The following ABTB3 variants were observed in gnomAD, a reference collection of about 807,000 sequenced individuals.
ABTB3 encodes ankyrin repeat- and BTB/POZ domain-containing protein 3.
At chr12:107,580,795 G>A in the ABTB3 span, 7 of 1,499,544 alleles carry the variant, frequency 4.7e-6, no homozygotes, top group Non-Finnish European at 5.4e-6. Context: ...CAGACCCTGC[G>A]CTTGGTGCTT....
chr12:107,642,027 T>A, the ABTB3 span: 20 of 1,492,624 alleles, frequency 1.3e-5, no homozygotes, highest in Admixed American at 1.3e-4. Context: ...GAGAGCAGAG[T>A]TTTTTGTGAG....
chr12:107,353,238 G>C, the ABTB3 span, among the ~76,000 whole-genome samples: 7 of 152,258 alleles, frequency 4.6e-5, no homozygotes, highest in African/African-American at 1.2e-4. Context: ...CTAAGTGCCT[G>C]GCTCTGAGCC....
At chr12:107,413,299 A>G in the ABTB3 span, among the ~76,000 whole-genome samples, 1 of 152,050 alleles carries the variant, frequency 6.6e-6, no homozygotes. Flanking sequence ...AAGCGCATTG[A>G]AATTTGGGAA....
At chr12:107,322,887 A>C in the ABTB3 span, among the ~76,000 whole-genome samples, 1 of 152,230 alleles carries the variant, frequency 6.6e-6, no homozygotes, top group Admixed American at 6.5e-5. Flanking sequence ...TTACCCACAC[A>C]GGTGAACAGA....
the ABTB3 span, among the ~76,000 whole-genome samples, chr12:107,446,634 G>A: frequency 6.6e-6 from 1 of 152,202 alleles, no homozygotes; most frequent in Non-Finnish European, 1.5e-5. Flanking sequence ...CAGAGCTTCA[G>A]CCCAGGGTCT....
the ABTB3 span, among the ~76,000 whole-genome samples, chr12:107,379,150 G>T: frequency 6.6e-6 from 1 of 152,132 alleles, no homozygotes; most frequent in Non-Finnish European, 1.5e-5. Flanking sequence ...TAGGGTTGGT[G>T]GAAAAGTAGG....
At chr12:107,507,051 G>A in the ABTB3 span, among the ~76,000 whole-genome samples, 1 of 152,312 alleles carries the variant, frequency 6.6e-6, no homozygotes, top group South Asian at 2.1e-4. Flanking sequence ...TAAAATGAAT[G>A]TTCAAGATGG....
chr12:107,652,479 G>A, the ABTB3 span, among the ~76,000 whole-genome samples: 4 of 152,188 alleles, frequency 2.6e-5, no homozygotes, highest in African/African-American at 9.7e-5. Flanking sequence ...CTTCCCAGGT[G>A]ATTCTCAGAT....
the ABTB3 span, among the ~76,000 whole-genome samples, chr12:107,405,026 T>G: frequency 2.0e-5 from 3 of 152,168 alleles, no homozygotes; most frequent in Non-Finnish European, 4.4e-5. Context: ...CAAACCCAGG[T>G]TGGTGCAGAT....
the ABTB3 span, among the ~76,000 whole-genome samples, chr12:107,495,266 T>C: frequency 2.0e-5 from 3 of 152,176 alleles, no homozygotes; most frequent in African/African-American, 7.2e-5. Context: ...TCCAGCCTGT[T>C]GGGGGAAGCC....
the ABTB3 span, among the ~76,000 whole-genome samples, chr12:107,377,462 TC>T: frequency 6.7e-6 from 1 of 150,034 alleles, no homozygotes; most frequent in East Asian, 2.0e-4. Flanking sequence ...CCATGTATAC[TC>T]CGTTTATGCT....
chr12:107,589,025 A>G, the ABTB3 span, among the ~76,000 whole-genome samples: 1 of 152,200 alleles, frequency 6.6e-6, no homozygotes, highest in South Asian at 2.1e-4. Context: ...TCTCTGTGTG[A>G]CTTTAGGCAA....
At chr12:107,340,601 GT>G in the ABTB3 span, among the ~76,000 whole-genome samples, 27 of 149,834 alleles carry the variant, frequency 1.8e-4, no homozygotes, top group African/African-American at 6.6e-4. Context: ...GTGACTCCTC[GT>G]TTTTTTTTCA....
the ABTB3 span, among the ~76,000 whole-genome samples, chr12:107,400,293 C>T: frequency 4.4e-4 from 67 of 152,186 alleles, 1 homozygote; most frequent in Admixed American, 2.9e-3. Context: ...CAAATGGGCC[C>T]ATGATGAGAT....
chr12:107,453,980 C>T, the ABTB3 span, among the ~76,000 whole-genome samples: 1 of 152,106 alleles, frequency 6.6e-6, no homozygotes. Flanking sequence ...GGTGGAAATC[C>T]AGGAATGAGA....
At chr12:107,639,329 AT>A in the ABTB3 span, among the ~76,000 whole-genome samples, 2 of 152,192 alleles carry the variant, frequency 1.3e-5, no homozygotes, top group Non-Finnish European at 2.9e-5. Context: ...GAGCTATTGA[AT>A]GATTTATAGC....
chr12:107,470,173 G>A, the ABTB3 span, among the ~76,000 whole-genome samples: 1 of 151,454 alleles, frequency 6.6e-6, no homozygotes, highest in Non-Finnish European at 1.5e-5. Flanking sequence ...CAAATAGCTG[G>A]GATTACAGGC....
At chr12:107,639,070 T>A in the ABTB3 span, among the ~76,000 whole-genome samples, 1 of 152,080 alleles carries the variant, frequency 6.6e-6, no homozygotes, top group Non-Finnish European at 1.5e-5. Flanking sequence ...GTCTGATCAG[T>A]ATGTCTGAAA....
At chr12:107,595,512 C>T in the ABTB3 span, among the ~76,000 whole-genome samples, 2 of 152,174 alleles carry the variant, frequency 1.3e-5, no homozygotes, top group South Asian at 4.1e-4. Flanking sequence ...AACTTGAAGC[C>T]TATGATTAGG....
Sources: gnomAD v4.1 joint callset for allele counts (sites outside exome capture counted in the v4.1 genomes callset) on GRCh38, gnomAD v4.1.1 for gene constraint, MANE v1.5 for transcripts, NCBI Gene and HGNC (gene_info 2026-07-23, HGNC 2026-07-21) for gene names.